Variants in ZNF35 observed in about 807,000 individuals in gnomAD.
The protein encoded by ZNF35 is zinc finger protein 35 (clone HF.10).
ZNF35 carries 31 observed loss-of-function variants against 45.9 expected under a neutral mutation model. The ratio of observed to expected loss-of-function variants is 0.68; its 90% CI spans 0.51 to 0.91. ZNF35 has a LOEUF of 0.91. Among genes scored for constraint, ZNF35 ranks in the 40% least tolerant of loss-of-function variants. The pLI, the probability that ZNF35 is intolerant of heterozygous loss-of-function variation, is 0.00. For synonymous variants in ZNF35, 205 were observed against 220.2 expected (o/e 0.93, Z 0.61); for missense variants, 515 against 625.4 (o/e 0.82, Z 1.88).
intron 3 of ZNF35, among the ~76,000 whole-genome samples, chr3:44,655,106 C>T (rs936724911): frequency 6.6e-6 from 1 of 152,040 alleles, no homozygotes; most frequent in African/African-American, 2.4e-5. Flanking sequence ...TGCACTCCAG[C>T]CTGGGCAATA....
Position 44,658,796 on chromosome 3 carries a change from G to C in ZNF35, c.433G>C (p.Ala145Pro). ...CATCATATCAGAAAGAATCCAGAAA[G>C]CTGATCCTCAAGGACCTGAGTTAGG... ...PLIISERIQKADPQGPELGEA... is the reference protein window; with the variant it reads ...PLIISERIQKPDPQGPELGEA... The change falls in exon 4 of 4, where the codon GCT becomes CCT. Residue 145 changes from alanine (A) to proline (P), a missense_variant. Around this residue, in one of 3 missense-constraint regions of ZNF35, gnomAD observed 275 missense variants for 295.7 expected, o/e 0.93. Coordinates refer to ENST00000396056, the MANE Select transcript of ZNF35 (RefSeq NM_003420.4). The C allele has an allele frequency of 1.2e-6, 2 of 1,612,172 alleles. No homozygotes were observed. Among genetic ancestry groups the C allele is most frequent in the Non-Finnish European group, 1.7e-6 (2 of 1,179,578 alleles).
In ZNF35 at chr3:44,658,767, CCCT is replaced by C; in HGVS notation, c.406_408del (p.Leu136del). On this transcript the variant is annotated inframe_deletion, in exon 4 of 4. Transcript: ENST00000396056. Reference sequence around the variant, plus strand: ...GAGATATGTGAGGAAGCTGAAAAACCCCTCATCATATCAGAAAGAATCCAGAAA... The same window carrying C: ...GAGATATGTGAGGAAGCTGAAAAACCCATCATATCAGAAAGAATCCAGAAA... The C allele has an allele frequency of 1.9e-6, 3 of 1,601,032 alleles. No homozygotes were observed. Among genetic ancestry groups the C allele is most frequent in the Non-Finnish European group, 2.5e-6 (3 of 1,177,088 alleles).
In ZNF35 at chr3:44,659,131, G is replaced by A; in HGVS notation, c.768G>A (p.Gly256=). Residue 256 remains glycine, a synonymous_variant, in exon 4 of 4, where the codon GGG becomes GGA. Coordinates refer to ENST00000396056, the MANE Select transcript of ZNF35 (RefSeq NM_003420.4). This position sits in a 1 kb window ranked among gnomAD's most constrained non-coding sequence, Gnocchi z 4.3. ...GEKPFECHEC[G]KAFIQSANLV... Reference sequence around the variant, plus strand: ...AACCCTTTGAATGTCATGAGTGTGGGAAGGCCTTCATTCAGAGTGCAAACC... The same window carrying A: ...AACCCTTTGAATGTCATGAGTGTGGAAAGGCCTTCATTCAGAGTGCAAACC... The A allele has an allele frequency of 6.2e-7, 1 of 1,614,182 alleles. No individual in the cohort carries two copies. The highest frequency in any genetic ancestry group is 8.5e-7 in the Non-Finnish European group (1 of 1,180,014).
chr3:44,655,390 G>T (rs1703281840), intron 3 of ZNF35, among the ~76,000 whole-genome samples: 1 of 150,406 alleles, frequency 6.6e-6, no homozygotes. Context: ...AAGGTGGCAG[G>T]CTTATGTAGC....
chr3:44,650,476 T>C (rs1703180204), intron 1 of ZNF35, among the ~76,000 whole-genome samples: 1 of 152,210 alleles, frequency 6.6e-6, no homozygotes, highest in Non-Finnish European at 1.5e-5. Context: ...AAAATCCTTT[T>C]TTAAAAAATG....
At chr3:44,654,081 C>T (rs1436750499) in intron 3 of ZNF35, among the ~76,000 whole-genome samples, 2 of 152,160 alleles carry the variant, frequency 1.3e-5, no homozygotes, top group Non-Finnish European at 2.9e-5. Flanking sequence ...CTGGTGCATT[C>T]GCGTGCATGT....
Position 44,659,821 on chromosome 3 carries a change from G to A in ZNF35, c.1458G>A (p.Arg486=). 3 of 1,609,458 alleles carry A rather than the reference G, an allele frequency of 1.9e-6. No individual in the cohort carries two copies. Among genetic ancestry groups the A allele is most frequent in the Non-Finnish European group, 1.7e-6 (2 of 1,178,366 alleles). ...AGTGTGGGAAGGCCTTCAGACAGAG[G>A]TCGAGCCTCACCGTGCACCAGAGAA... ...CNECGKAFRQ[R]SSLTVHQRTH... The change falls in exon 4 of 4, where the codon AGG becomes AGA. Residue 486 remains arginine, a synonymous_variant. Coordinates refer to ENST00000396056, the MANE Select transcript of ZNF35 (RefSeq NM_003420.4). The surrounding 1 kb of genome is among the most constrained non-coding windows in gnomAD (Gnocchi z 4.3).
Position 44,659,517 on chromosome 3 carries a change from C to T in ZNF35, c.1154C>T (p.Thr385Ile). 4 of 1,613,850 alleles carry T rather than the reference C, an allele frequency of 2.5e-6. No individual in the cohort carries two copies. Among genetic ancestry groups the T allele is most frequent in the South Asian group, 1.1e-5 (1 of 91,076 alleles). The change falls in exon 4 of 4, where the codon ACT becomes ATT. Residue 385 changes from threonine (T) to isoleucine (I), a missense_variant. By Grantham distance (89) the Thr-to-Ile change is moderately conservative. Coordinates refer to ENST00000396056, the MANE Select transcript of ZNF35 (RefSeq NM_003420.4). This position sits in a 1 kb window ranked among gnomAD's most constrained non-coding sequence, Gnocchi z 4.3. ...ANLIVHQRSH[T>I]GEKPYECKEC... ...CTTATTGTACATCAGCGAAGCCATA[C>T]TGGTGAGAAGCCATATGAGTGTAAA...
chr3:44,656,712 T>TA (rs1405239690), intron 3 of ZNF35, among the ~76,000 whole-genome samples: 2 of 142,052 alleles, frequency 1.4e-5, no homozygotes, highest in African/African-American at 2.6e-5. Flanking sequence ...TTCTTTGAGA[T>TA]AGAGTCTTGC....
chr3:44,659,258 A>G lies in ZNF35; in HGVS notation c.895A>G (p.Ile299Val). 1 of 1,613,866 alleles carries G rather than the reference A, an allele frequency of 6.2e-7. No individual in the cohort carries two copies. Among genetic ancestry groups the G allele is most frequent in the Non-Finnish European group, 8.5e-7 (1 of 1,179,916 alleles). Residue 299 changes from isoleucine (I) to valine (V), a missense_variant, in exon 4 of 4, where the codon ATC becomes GTC. This residue lies in a region of ZNF35 where 232 missense variants were observed against 304.6 expected (regional missense o/e 0.76). Transcript: ENST00000396056. The surrounding 1 kb of genome is among the most constrained non-coding windows in gnomAD (Gnocchi z 4.3). ...QSSNLTVHQK[I>V]HSLEKTFKCN... The stretch of plus-strand genomic sequence containing the variant: ...TTCAAATCTGACTGTACATCAAAAA[A>G]TCCACTCCTTAGAAAAAACTTTTAA...
intron 3 of ZNF35, 35 bp downstream of exon 3, chr3:44,652,736 T>C: frequency 6.7e-7 from 1 of 1,500,142 alleles, no homozygotes; most frequent in Non-Finnish European, 8.9e-7. Flanking sequence ...AATCTGACCA[T>C]TGGGGTTTCT....
chr3:44,653,490 G>A (rs1703242794), intron 3 of ZNF35, among the ~76,000 whole-genome samples: 1 of 152,152 alleles, frequency 6.6e-6, no homozygotes, highest in Non-Finnish European at 1.5e-5. Flanking sequence ...TATACGCTTT[G>A]TAGTTAGCAT....
Position 44,652,541 on chromosome 3 carries a change from G to A in ZNF35, c.193-16G>A, listed in dbSNP as rs536350069. On this transcript the variant is annotated splice_polypyrimidine_tract_variant and intron_variant, in intron 2 of 3. Coordinates refer to ENST00000396056, the MANE Select transcript of ZNF35 (RefSeq NM_003420.4). ...ACCACCAGTTCCCTCTTAAACATGT[G>A]CCTGCTTGTCTCTAGGGTCAGAACA... 2 of 1,554,138 alleles carry A rather than the reference G, an allele frequency of 1.3e-6. No individual in the cohort carries two copies. The highest frequency in any genetic ancestry group is 4.7e-5 in the East Asian group (2 of 42,408).
chr3:44,660,519 T>C lies in ZNF35; in HGVS notation c.*572T>C, dbSNP rs1164992845. 1.3e-5 allele frequency: 2 copies of C among 152,896 alleles called. No individual in the cohort carries two copies. Among genetic ancestry groups the C allele is most frequent in the Non-Finnish European group, 2.9e-5 (2 of 68,532 alleles). 9.5% of individuals were successfully genotyped at this position (152,896 alleles called of 1,614,324 possible). A position where few individuals can be genotyped will look rare whatever the true frequency, so the allele number is the denominator to read the frequency against. ...ATGGACAGAAATAGGAAATGGACTT[T>C]TTCCTTACTGTCTATACCTCCTGAA... On this transcript the variant is annotated 3_prime_UTR_variant, in exon 4 of 4. Transcript: ENST00000396056.
intron 1 of ZNF35, among the ~76,000 whole-genome samples, chr3:44,650,707 G>GA (rs1575513131): frequency 2.6e-5 from 4 of 152,046 alleles, no homozygotes; most frequent in Admixed American, 2.0e-4. Context: ...TTTTAATCAG[G>GA]AAAAAATCAA....
At chr3:44,657,871 A>G (rs545298485) in intron 3 of ZNF35, among the ~76,000 whole-genome samples, 19 of 152,310 alleles carry the variant, frequency 1.2e-4, no homozygotes, top group African/African-American at 4.3e-4. Flanking sequence ...AAGTTGCTGC[A>G]CACATTCAGA....
At chr3:44,653,128 G>A (rs2125839900) in intron 3 of ZNF35, among the ~76,000 whole-genome samples, 1 of 152,260 alleles carries the variant, frequency 6.6e-6, no homozygotes, top group East Asian at 1.9e-4. Context: ...AAGGCATGCG[G>A]TTTATGTCGC....
intron 3 of ZNF35, 42 bp downstream of exon 3, chr3:44,652,743 T>C: frequency 6.7e-7 from 1 of 1,490,128 alleles, no homozygotes; most frequent in South Asian, 1.4e-5. Flanking sequence ...CCATTGGGGT[T>C]TCTCAAAATC....
chr3:44,658,419 C>G (rs1703346547), intron 3 of ZNF35, among the ~76,000 whole-genome samples: 1 of 152,182 alleles, frequency 6.6e-6, no homozygotes, highest in Non-Finnish European at 1.5e-5. Context: ...ATTGGCCCTC[C>G]CTGGCATGAG....
Sources: gnomAD v4.1 joint callset for allele counts (sites outside exome capture counted in the v4.1 genomes callset) on GRCh38, gnomAD v4.1.1 for gene constraint, gnomAD v4.1.1 regional missense constraint, Gnocchi (gnomAD v3.1) non-coding constraint, MANE v1.5 for transcripts, NCBI Gene and HGNC (gene_info 2026-07-23, HGNC 2026-07-21) for gene names.